IQCK: variants seen among roughly 807,000 people sequenced by gnomAD.
The protein encoded by IQCK is IQ domain-containing protein K.
A neutral mutation model predicts 28.1 loss-of-function variants in IQCK; 29 were observed. The observed-to-expected ratio is 1.03, with a 90% CI of 0.77 to 1.41. The LOEUF (loss-of-function observed/expected upper bound fraction) is 1.41. IQCK is among the 40% of genes most tolerant of loss of function. The pLI is 0.00. For synonymous variants in IQCK, 113 were observed against 115.1 expected (o/e 0.98, Z 0.12); for missense variants, 359 against 314.7 (o/e 1.14, Z -1.07).
chr16:19,743,936 A>G (rs947132878), intron 4 of IQCK, among the ~76,000 whole-genome samples: 2 of 152,214 alleles, frequency 1.3e-5, no homozygotes, highest in African/African-American at 4.8e-5. Flanking sequence ...ACTATGCCAT[A>G]GAGCATTTGG....
At chr16:19,854,035 C>A (rs148628154) in intron 9 of IQCK, among the ~76,000 whole-genome samples, 1 of 152,224 alleles carries the variant, frequency 6.6e-6, no homozygotes, top group Non-Finnish European at 1.5e-5. Context: ...CCTACAGTCA[C>A]GTTTCTTTAA....
At chr16:19,766,523 A>G (rs1032445988) in intron 6 of IQCK, among the ~76,000 whole-genome samples, 3 of 152,212 alleles carry the variant, frequency 2.0e-5, no homozygotes, top group African/African-American at 7.2e-5. Flanking sequence ...CAGGAACCAA[A>G]GTTCTTAAGG....
At chr16:19,857,554 T>C (rs1057115024) in exon 10 of IQCK, 6 of 370,912 alleles carry the variant, frequency 1.6e-5, no homozygotes, top group Admixed American at 4.2e-5. Flanking sequence ...GCCTTAGCTC[T>C]TCATCAGTTA....
intron 1 of IQCK, among the ~76,000 whole-genome samples, chr16:19,729,075 T>G (rs1487052553): frequency 2.6e-5 from 4 of 152,206 alleles, no homozygotes. Context: ...GCCATGAGCA[T>G]TTTCTGTTCC....
chr16:19,772,505 A>G (rs896314588), intron 6 of IQCK, among the ~76,000 whole-genome samples: 44 of 152,326 alleles, frequency 2.9e-4, no homozygotes, highest in African/African-American at 1.1e-3. Context: ...AGTCATGATT[A>G]AAAAGTTATT....
chr16:19,765,303 C>T (rs1307278750), intron 6 of IQCK, among the ~76,000 whole-genome samples: 2 of 150,942 alleles, frequency 1.3e-5, no homozygotes, highest in Non-Finnish European at 1.5e-5. Flanking sequence ...TTTGGGAGGC[C>T]GAGGTGGGCA....
Position 19,817,438 on chromosome 16 carries a change from A to G in IQCK, c.691-9588A>G, listed in dbSNP as rs1180783298. 2.6e-5 allele frequency among the ~76,000 whole-genome samples: 4 copies of G among 152,280 alleles called. No homozygotes were observed. The East Asian group carries it at 7.7e-4, about 29-fold the overall frequency. ...GAGATCCAGGCTTCCGTGGTAATGA[A>G]CTAACAAGGCTGCTGTATTCTCTAT... On this transcript the variant is annotated intron_variant, in intron 7 of 7. Transcript: ENST00000564186.
intron 4 of IQCK, among the ~76,000 whole-genome samples, chr16:19,749,676 G>T (rs967450780): frequency 1.3e-5 from 2 of 151,986 alleles, no homozygotes; most frequent in Admixed American, 1.3e-4. Context: ...TGAGGTGGGA[G>T]AATCCATTGA....
chr16:19,818,238 C>G (rs901860645), intron 7 of IQCK, among the ~76,000 whole-genome samples: 14 of 152,052 alleles, frequency 9.2e-5, no homozygotes, highest in Admixed American at 1.3e-4. Flanking sequence ...TTAAGAAATA[C>G]TGTAAAAACA....
chr16:19,754,209 G>C (rs890336089), intron 4 of IQCK, among the ~76,000 whole-genome samples: 1 of 152,104 alleles, frequency 6.6e-6, no homozygotes, highest in African/African-American at 2.4e-5. Flanking sequence ...ACCACACTGG[G>C]GCCGTGCCTT....
chr16:19,799,604 A>G (rs1425919224), intron 7 of IQCK, among the ~76,000 whole-genome samples: 4 of 129,740 alleles, frequency 3.1e-5, no homozygotes, highest in East Asian at 2.1e-4. Context: ...ATATACACAC[A>G]CACACACACA....
At chr16:19,719,591 A>C (rs113675427) in intron 1 of IQCK, among the ~76,000 whole-genome samples, 13,081 of 144,396 alleles carry the variant, frequency 0.091, 1,671 homozygotes, top group African/African-American at 0.29. Flanking sequence ...CTCCATCCCC[A>C]AAAAAAAAAA....
intron 7 of IQCK, among the ~76,000 whole-genome samples, chr16:19,817,622 T>G (rs1359235186): frequency 2.6e-5 from 4 of 152,128 alleles, no homozygotes; most frequent in Admixed American, 1.3e-4. Flanking sequence ...TCTGTTTTTG[T>G]TGTTGTTGTT....
intron 9 of IQCK, among the ~76,000 whole-genome samples, chr16:19,834,562 C>G (rs2056271596): frequency 6.6e-6 from 1 of 152,240 alleles, no homozygotes; most frequent in Non-Finnish European, 1.5e-5. Context: ...TGCACCCTGA[C>G]ACTGGAGTGA....
rs1015811340 is a variant in IQCK at position 19,827,011 on chromosome 16, A to C, written c.691-15A>C. Reference sequence around the variant, plus strand: ...TGTGTCGAAAAGGGACTAAAGTTTTACTGGGATTTTCCAGGTTCGCTGTGA... The same window carrying C: ...TGTGTCGAAAAGGGACTAAAGTTTTCCTGGGATTTTCCAGGTTCGCTGTGA... On this transcript the variant is annotated splice_polypyrimidine_tract_variant and intron_variant, in intron 7 of 7. Transcript: ENST00000564186. 6.3e-7 allele frequency: 1 copy of C among 1,583,420 alleles called. No individual in the cohort carries two copies. The highest frequency in any genetic ancestry group is 8.7e-7 in the Non-Finnish European group (1 of 1,152,062).
At chr16:19,734,459 C>CAAAAAA (rs34178017) in intron 3 of IQCK, among the ~76,000 whole-genome samples, 3 of 50,242 alleles carry the variant, frequency 6.0e-5, no homozygotes, top group Non-Finnish European at 9.7e-5. Context: ...GACTCCATCA[C>CAAAAAA]AAAAAAAAAA....
intron 7 of IQCK, among the ~76,000 whole-genome samples, chr16:19,809,794 C>T (rs898028799): frequency 1.4e-4 from 21 of 152,190 alleles, no homozygotes; most frequent in Admixed American, 1.2e-3. Flanking sequence ...CGATGGGCCC[C>T]ACCCCCAGAA....
At chr16:19,719,970 G>C (rs1221236579) in intron 1 of IQCK, among the ~76,000 whole-genome samples, 2 of 152,032 alleles carry the variant, frequency 1.3e-5, no homozygotes, top group Non-Finnish European at 2.9e-5. Context: ...ACCAGGCCCA[G>C]CCCAGACTTA....
chr16:19,836,671 G>A (rs776698857), intron 9 of IQCK, among the ~76,000 whole-genome samples: 5 of 152,174 alleles, frequency 3.3e-5, no homozygotes, highest in South Asian at 2.1e-4. Flanking sequence ...ACGCCACCAC[G>A]CCTGGCTAAT....
Sources: allele counts gnomAD v4.1 joint callset (sites outside exome capture counted in the v4.1 genomes callset), GRCh38; gene constraint gnomAD v4.1.1; transcripts MANE v1.5; gene names NCBI Gene and HGNC (gene_info 2026-07-23, HGNC 2026-07-21).